The following ENTREP1 variants were observed in gnomAD, a reference collection of about 807,000 sequenced individuals.
The protein encoded by ENTREP1 is Friedreich ataxia region gene X123.
the ENTREP1 span, among the ~76,000 whole-genome samples, chr9:69,373,441 C>T: frequency 0.013 from 1,969 of 152,192 alleles, 20 homozygotes; most frequent in Non-Finnish European, 0.02. Flanking sequence ...TGTAATCTTA[C>T]ATAAATATGT....
At chr9:69,367,670 CACATATATAAAT>C in the ENTREP1 span, among the ~76,000 whole-genome samples, 4 of 44,082 alleles carry the variant, frequency 9.1e-5, no homozygotes, top group African/African-American at 3.2e-4. Context: ...TATATATACA[CACATATATAAAT>C]ATATATATAC....
At chr9:69,382,874 T>C in the ENTREP1 span, 1 of 278,958 alleles carries the variant, frequency 3.6e-6, no homozygotes, top group Non-Finnish European at 5.4e-6. Flanking sequence ...TTTGTTCTCT[T>C]TTTTTTTCTT....
the ENTREP1 span, among the ~76,000 whole-genome samples, chr9:69,390,784 C>T: frequency 3.9e-5 from 6 of 151,902 alleles, no homozygotes; most frequent in East Asian, 9.7e-4. Context: ...GGACTACAGG[C>T]ACACACCACC....
At chr9:69,377,640 G>T in the ENTREP1 span, 2 of 1,614,048 alleles carry the variant, frequency 1.2e-6, no homozygotes, top group Non-Finnish European at 1.7e-6. Flanking sequence ...CTGAAGAAGC[G>T]GAGGATCATG....
the ENTREP1 span, chr9:69,388,007 T>A: frequency 2.6e-6 from 4 of 1,555,084 alleles, no homozygotes; most frequent in Admixed American, 7.8e-5. Context: ...TTGTTTTCCC[T>A]CCTTCTGCAA....
chr9:69,349,781 T>C, the ENTREP1 span, among the ~76,000 whole-genome samples: 1 of 152,184 alleles, frequency 6.6e-6, no homozygotes, highest in South Asian at 2.1e-4. Flanking sequence ...ACATGTACAT[T>C]AGCCAACAAT....
the ENTREP1 span, among the ~76,000 whole-genome samples, chr9:69,374,371 A>G: frequency 6.6e-6 from 1 of 152,112 alleles, no homozygotes. Context: ...GTGAATACCT[A>G]GGCACGGAGC....
the ENTREP1 span, among the ~76,000 whole-genome samples, chr9:69,331,229 C>G: frequency 6.6e-6 from 1 of 152,182 alleles, no homozygotes; most frequent in Admixed American, 6.5e-5. Flanking sequence ...TTAAAAATCT[C>G]TGTGTTTACA....
At chr9:69,355,278 G>A in the ENTREP1 span, among the ~76,000 whole-genome samples, 7 of 152,082 alleles carry the variant, frequency 4.6e-5, no homozygotes, top group African/African-American at 7.2e-5. Context: ...TCATTTGTTC[G>A]GTCACTCAGT....
At chr9:69,362,080 A>G in the ENTREP1 span, among the ~76,000 whole-genome samples, 1 of 152,210 alleles carries the variant, frequency 6.6e-6, no homozygotes, top group African/African-American at 2.4e-5. Flanking sequence ...GTGTTAAACT[A>G]TTCTGCCTTC....
At chr9:69,375,116 C>A in the ENTREP1 span, among the ~76,000 whole-genome samples, 1 of 152,224 alleles carries the variant, frequency 6.6e-6, no homozygotes, top group African/African-American at 2.4e-5. Flanking sequence ...TGGCTCACTC[C>A]AGAGGTGCCA....
chr9:69,345,770 A>G, the ENTREP1 span, among the ~76,000 whole-genome samples: 1 of 151,432 alleles, frequency 6.6e-6, no homozygotes, highest in Admixed American at 6.6e-5. Context: ...ACGTGGCTTA[A>G]TTTTTGTATT....
chr9:69,389,221 C>T, the ENTREP1 span, among the ~76,000 whole-genome samples: 1 of 152,116 alleles, frequency 6.6e-6, no homozygotes, highest in East Asian at 1.9e-4. Flanking sequence ...CCCACAATGG[C>T]GTATGGATGT....
chr9:69,337,983 A>G, the ENTREP1 span, among the ~76,000 whole-genome samples: 2 of 152,188 alleles, frequency 1.3e-5, no homozygotes, highest in African/African-American at 4.8e-5. Context: ...ATATTGCGGA[A>G]TCTTTGTGTG....
At chr9:69,358,538 G>T in the ENTREP1 span, among the ~76,000 whole-genome samples, 2 of 152,060 alleles carry the variant, frequency 1.3e-5, no homozygotes, top group East Asian at 3.9e-4. Context: ...TCAAAAGGCT[G>T]CATATGAGGG....
chr9:69,330,227 G>C, the ENTREP1 span, among the ~76,000 whole-genome samples: 2 of 152,172 alleles, frequency 1.3e-5, no homozygotes, highest in Non-Finnish European at 2.9e-5. Flanking sequence ...CGGCCACACT[G>C]CACTAGATTT....
the ENTREP1 span, among the ~76,000 whole-genome samples, chr9:69,351,884 A>G: frequency 6.6e-6 from 1 of 152,082 alleles, no homozygotes. Flanking sequence ...TACTCTTGCC[A>G]TTCTATTGAA....
chr9:69,365,987 CATAACGG>C, the ENTREP1 span, among the ~76,000 whole-genome samples: 8 of 152,244 alleles, frequency 5.3e-5, no homozygotes, highest in South Asian at 1.7e-3. Flanking sequence ...CTGCAATAAA[CATAACGG>C]TGCAGGAATC....
the ENTREP1 span, chr9:69,388,358 A>G: frequency 3.7e-6 from 6 of 1,614,204 alleles, no homozygotes; most frequent in South Asian, 6.6e-5. Context: ...GACCCCAGAC[A>G]TCCATGAACT....
Sources: gnomAD v4.1 joint callset for allele counts (sites outside exome capture counted in the v4.1 genomes callset) on GRCh38, gnomAD v4.1.1 for gene constraint, MANE v1.5 for transcripts, NCBI Gene and HGNC (gene_info 2026-07-23, HGNC 2026-07-21) for gene names.